GPHN: variants seen among roughly 807,000 people sequenced by gnomAD.
The protein encoded by GPHN is gephyrin.
A neutral mutation model predicts 95.5 loss-of-function variants in GPHN; 17 were observed. The ratio of observed to expected loss-of-function variants is 0.18; its 90% CI spans 0.12 to 0.27. The LOEUF (loss-of-function observed/expected upper bound fraction) is 0.27. GPHN is among the 10% of genes least tolerant of loss of function. The pLI, the probability that GPHN is intolerant of heterozygous loss-of-function variation, is 1.00. For synonymous variants in GPHN, 320 were observed against 322.5 expected, an observed-to-expected ratio of 0.99 and a Z score of 0.08; for missense variants, 660 against 978.1, an observed-to-expected ratio of 0.67 and a Z score of 4.34.
At chr14:67,585,936 G>C in the GPHN span, 6 of 1,606,412 alleles carry the variant, frequency 3.7e-6, no homozygotes, top group African/African-American at 4.0e-5. Context: ...ACAACTGACT[G>C]GTTCCTTTCC....
At chr14:67,425,064 A>C in the GPHN span, among the ~76,000 whole-genome samples, 1 of 152,256 alleles carries the variant, frequency 6.6e-6, no homozygotes, top group East Asian at 1.9e-4. Context: ...CTAGGAATGA[A>C]AATTTTTTGT....
chr14:66,777,445 G>A (rs1035766714), intron 3 of GPHN, among the ~76,000 whole-genome samples: 2 of 152,106 alleles, frequency 1.3e-5, no homozygotes, highest in Non-Finnish European at 2.9e-5. Flanking sequence ...TCAATAGAAA[G>A]AGAGGGAATC....
At chr14:66,708,182 G>T (rs377584073) in intron 2 of GPHN, among the ~76,000 whole-genome samples, 1 of 151,264 alleles carries the variant, frequency 6.6e-6, no homozygotes. Context: ...AAGCAATTTT[G>T]CTCATCTTAG....
At chr14:67,603,699 C>T in the GPHN span, among the ~76,000 whole-genome samples, 5 of 152,110 alleles carry the variant, frequency 3.3e-5, no homozygotes, top group Non-Finnish European at 4.4e-5. Flanking sequence ...TTGTTTGAGA[C>T]GGAGTTTTGC....
chr14:66,958,895 T>C (rs531268667), intron 8 of GPHN, among the ~76,000 whole-genome samples: 3 of 152,270 alleles, frequency 2.0e-5, no homozygotes, highest in Non-Finnish European at 4.4e-5. Flanking sequence ...AATATCATTT[T>C]TGTTTTTTAT....
At chr14:67,313,996 T>G in the GPHN span, among the ~76,000 whole-genome samples, 103 of 152,228 alleles carry the variant, frequency 6.8e-4, no homozygotes, top group African/African-American at 2.4e-3. Context: ...AAAATAGTTC[T>G]GCCAGAACTG....
At chr14:67,210,808 T>C in the GPHN span, among the ~76,000 whole-genome samples, 1,799 of 151,882 alleles carry the variant, frequency 0.012, 36 homozygotes, top group African/African-American at 0.041. Flanking sequence ...AGTCCAGGAG[T>C]TCGAGACCAG....
chr14:66,849,876 A>T (rs555883954), intron 4 of GPHN, among the ~76,000 whole-genome samples: 1 of 152,184 alleles, frequency 6.6e-6, no homozygotes, highest in African/African-American at 2.4e-5. Context: ...TCATTTTCTC[A>T]TTTCTCAAAC....
At chr14:67,351,680 C>T in the GPHN span, among the ~76,000 whole-genome samples, 43 of 151,430 alleles carry the variant, frequency 2.8e-4, no homozygotes, top group African/African-American at 9.7e-4. Context: ...TGCTAATTTT[C>T]TTCTTCTTCT....
chr14:67,334,353 T>C, the GPHN span: 2 of 152,756 alleles, frequency 1.3e-5, no homozygotes, highest in East Asian at 3.9e-4. Context: ...TTTAGGATAG[T>C]GTGATGTGTA....
chr14:67,244,130 A>G, the GPHN span, among the ~76,000 whole-genome samples: 10 of 152,154 alleles, frequency 6.6e-5, no homozygotes. Context: ...CTTTTTTAAT[A>G]ACTACTAACT....
Position 67,113,103 on chromosome 14 carries a change from A to G in GPHN, c.1558A>G (p.Thr520Ala), listed in dbSNP as rs749747472. The G allele has an allele frequency of 4.3e-6, 7 of 1,613,844 alleles. No individual in the cohort carries two copies. The South Asian group carries it at 7.7e-5, about 18-fold the overall frequency. Residue 520 changes from threonine (T) to alanine (A), a missense_variant, in exon 16 of 23, where the codon ACT (threonine) becomes GCT (alanine). Physicochemically the swap from Thr to Ala is moderately conservative, Grantham distance 58. Coordinates refer to ENST00000478722, the MANE Select transcript of GPHN (RefSeq NM_020806.5). ...MGPSEIGLLATVGVTEVEVNK... is the reference protein window; with the variant it reads ...MGPSEIGLLAAVGVTEVEVNK... ...CCCCTCAGAGATTGGTCTTCTGGCA[A>G]CTGTAGGTGTCACAGAGGTTGAAGT...
At chr14:67,625,915 T>C in the GPHN span, among the ~76,000 whole-genome samples, 1 of 152,160 alleles carries the variant, frequency 6.6e-6, no homozygotes, top group Non-Finnish European at 1.5e-5. Flanking sequence ...AAAGAAGTTA[T>C]ACAAATGGGC....
the GPHN span, chr14:67,581,995 A>G: frequency 6.9e-7 from 1 of 1,449,010 alleles, no homozygotes; most frequent in Middle Eastern, 2.4e-4. Flanking sequence ...AAATAAAGGT[A>G]ACAGACCCAG....
chr14:67,360,502 G>A, the GPHN span: 5 of 322,338 alleles, frequency 1.6e-5, no homozygotes, highest in East Asian at 2.4e-4. Context: ...ACTTTGGTTT[G>A]TGTCCAGTGA....
chr14:67,681,530 C>A, the GPHN span, among the ~76,000 whole-genome samples: 3 of 152,194 alleles, frequency 2.0e-5, no homozygotes, highest in African/African-American at 7.2e-5. Flanking sequence ...TGCCTATAAT[C>A]CCAGCACTTT....
chr14:67,088,741 A>C (rs1177994826), intron 11 of GPHN, among the ~76,000 whole-genome samples: 1 of 152,240 alleles, frequency 6.6e-6, no homozygotes, highest in South Asian at 2.1e-4. Flanking sequence ...TGATTACTGT[A>C]TAGCACCTCA....
intron 9 of GPHN, among the ~76,000 whole-genome samples, chr14:66,985,085 C>A (rs764298982): frequency 3.3e-5 from 5 of 152,152 alleles, no homozygotes; most frequent in Non-Finnish European, 7.3e-5. Context: ...AGCTTTGAGG[C>A]AGTAAATATA....
chr14:67,042,321 G>T (rs1292076709), intron 10 of GPHN, among the ~76,000 whole-genome samples: 2 of 152,046 alleles, frequency 1.3e-5, no homozygotes, highest in Non-Finnish European at 2.9e-5. Context: ...TGTCCTGAAT[G>T]GTATTGCCCA....
Sources: allele counts gnomAD v4.1 joint callset (sites outside exome capture counted in the v4.1 genomes callset), GRCh38; gene constraint gnomAD v4.1.1; transcripts MANE v1.5; gene names NCBI Gene and HGNC (gene_info 2026-07-23, HGNC 2026-07-21).